ITGB3: variants seen among roughly 807,000 people sequenced by gnomAD.
ITGB3 encodes integrin subunit beta 3.
In ITGB3, 48 loss-of-function variants were observed where a neutral mutation model predicts 85.8. The observed-to-expected ratio is 0.56, with a 90% CI of 0.44 to 0.71. The LOEUF (loss-of-function observed/expected upper bound fraction) is 0.71. ITGB3 is among the 30% of genes least tolerant of loss of function. ITGB3 has a pLI of 0.00. For missense variants in ITGB3, 861 were observed against 1,019.1 expected, an observed-to-expected ratio of 0.84 and a Z score of 2.11; for synonymous variants, 363 against 395.6, an observed-to-expected ratio of 0.92 and a Z score of 0.98.
intron 1 of ITGB3, 135 bp from the exon 2 acceptor site, chr17:47,274,284 G>T: frequency 1.3e-6 from 1 of 769,694 alleles, no homozygotes. Context: ...GTAGACGTCT[G>T]TGGTATGGTT....
At chr17:47,302,347 G>A (rs1235869516) in intron 12 of ITGB3, among the ~76,000 whole-genome samples, 1 of 152,192 alleles carries the variant, frequency 6.6e-6, no homozygotes, top group African/African-American at 2.4e-5. Flanking sequence ...CACCGACCTT[G>A]TGAGGTGGGG....
intron 2 of ITGB3, among the ~76,000 whole-genome samples, chr17:47,282,895 A>G (rs1230742478): frequency 6.6e-6 from 1 of 152,168 alleles, no homozygotes; most frequent in Non-Finnish European, 1.5e-5. Flanking sequence ...ATTCTATTGT[A>G]TTTTATTTAA....
Position 47,287,311 on chromosome 17 carries a change from T to A in ITGB3, c.939+80T>A, listed in dbSNP as rs1323603511. The A allele has an allele frequency of 1.9e-6, 3 of 1,542,138 alleles. No homozygotes were observed. The African/African-American group carries it at 4.1e-5, about 21-fold the overall frequency. Reference sequence around the variant, plus strand: ...AATCTAGGCAGAGTCTGTGTGAATATGAAAATGGCAGCCCCTCCTTCTGGG... The same window carrying A: ...AATCTAGGCAGAGTCTGTGTGAATAAGAAAATGGCAGCCCCTCCTTCTGGG... On this transcript the variant is annotated intron_variant, in intron 6 of 14. Transcript: ENST00000559488.
intron 10 of ITGB3, among the ~76,000 whole-genome samples, chr17:47,293,941 C>T (rs1200141804): frequency 6.6e-6 from 1 of 152,204 alleles, no homozygotes; most frequent in Non-Finnish European, 1.5e-5. Context: ...CTAATCCATG[C>T]AGATACTCAC....
chr17:47,293,127 T>C (rs189925188), intron 10 of ITGB3, among the ~76,000 whole-genome samples: 3 of 152,336 alleles, frequency 2.0e-5, no homozygotes, highest in Non-Finnish European at 2.9e-5. Flanking sequence ...GGCTGCTATA[T>C]TGGACAGATC....
chr17:47,291,340 G>A (rs182093305), intron 9 of ITGB3: 2 of 603,640 alleles, frequency 3.3e-6, no homozygotes, highest in African/African-American at 3.7e-5. Flanking sequence ...CTTACAATTT[G>A]GTTACCTTTG....
chr17:47,267,637 CT>C (rs2065030164), intron 1 of ITGB3, among the ~76,000 whole-genome samples: 2 of 152,194 alleles, frequency 1.3e-5, no homozygotes, highest in Non-Finnish European at 1.5e-5. Flanking sequence ...AACCATGACT[CT>C]GCAGGCATGA....
rs2065212684 is a variant in ITGB3 at position 47,311,021 on chromosome 17, A to T, written c.*817A>T. 6.5e-6 allele frequency: 1 copy of T among 153,964 alleles called. No individual in the cohort carries two copies. Among genetic ancestry groups the T allele is most frequent in the Admixed American group, 6.4e-5 (1 of 15,586 alleles). The allele number at this position is 153,964 out of a possible 1,614,324, so 9.5% of individuals were successfully genotyped here. A position where few individuals can be genotyped will look rare whatever the true frequency, so the allele number is the denominator to read the frequency against. On this transcript the variant is annotated 3_prime_UTR_variant, in exon 15 of 15. Transcript: ENST00000559488. ...GAGGTTTGTTTAGAAGAAGTGTGTC[A>T]CCCTTAGGCCAGCACCATCTCTTTA...
Position 47,292,603 on chromosome 17 carries a change from CCA to C in ITGB3, c.1690+39_1690+40del, listed in dbSNP as rs754616955. The stretch of plus-strand genomic sequence containing the variant: ...ACTGCAGGGCCCCCTGTCCTGGAAC[CCA>C]CACCCCCTCATATACCTGCAACCAC... On this transcript the variant is annotated intron_variant, in intron 10 of 14. Coordinates refer to ENST00000559488, the MANE Select transcript of ITGB3 (RefSeq NM_000212.3). 2.5e-6 allele frequency: 4 copies of C among 1,596,024 alleles called. No individual in the cohort carries two copies. In the East Asian group the frequency reaches 8.9e-5, roughly 36 times the overall value.
chr17:47,282,886 T>G (rs2065088762), intron 2 of ITGB3, among the ~76,000 whole-genome samples: 1 of 152,222 alleles, frequency 6.6e-6, no homozygotes. Context: ...TTCTATTCTA[T>G]TCTATTGTAT....
At chr17:47,295,437 C>G (rs1202190392) in intron 10 of ITGB3, among the ~76,000 whole-genome samples, 1 of 152,162 alleles carries the variant, frequency 6.6e-6, no homozygotes, top group Non-Finnish European at 1.5e-5. Flanking sequence ...TCTTACTTTA[C>G]TCCTCTGACT....
chr17:47,310,302 T>G lies in ITGB3; in HGVS notation c.*98T>G. The G allele has an allele frequency of 3.2e-6, 4 of 1,232,060 alleles. No homozygotes were observed. Among genetic ancestry groups the G allele is most frequent in the Non-Finnish European group, 4.8e-6 (4 of 839,752 alleles). 76.3% of individuals were successfully genotyped at this position (1,232,060 alleles called of 1,614,324 possible). ...GAGGACAGTATTTGTGGGGAGGGAT[T>G]TGGGGCTCAGAGTGGGGTAGGTTGG... On this transcript the variant is annotated 3_prime_UTR_variant, in exon 15 of 15. Transcript: ENST00000559488.
intron 14 of ITGB3, among the ~76,000 whole-genome samples, chr17:47,309,872 G>C (rs993335970): frequency 6.7e-6 from 1 of 148,630 alleles, no homozygotes; most frequent in African/African-American, 2.5e-5. Flanking sequence ...CTCCAGCCTG[G>C]GCAACAAAAT....
At chr17:47,269,544 A>G (rs961775010) in intron 1 of ITGB3, among the ~76,000 whole-genome samples, 3 of 152,170 alleles carry the variant, frequency 2.0e-5, no homozygotes, top group African/African-American at 7.2e-5. Context: ...GTTCCCAATA[A>G]GTTCCTCATC....
At chr17:47,304,704 T>G (rs2065180821) in intron 13 of ITGB3, among the ~76,000 whole-genome samples, 1 of 152,014 alleles carries the variant, frequency 6.6e-6, no homozygotes, top group Non-Finnish European at 1.5e-5. Flanking sequence ...GCCTCCCAGG[T>G]TCAAGCAATT....
chr17:47,300,638 C>T, intron 12 of ITGB3, 60 bp downstream of exon 12: 1 of 1,272,054 alleles, frequency 7.9e-7, no homozygotes, highest in Non-Finnish European at 1.1e-6. Flanking sequence ...CTAATTCAAT[C>T]CCAGAACCTA....
intron 10 of ITGB3, among the ~76,000 whole-genome samples, chr17:47,294,406 G>A (rs1156332929): frequency 6.6e-6 from 1 of 152,200 alleles, no homozygotes; most frequent in African/African-American, 2.4e-5. Context: ...CTGGTGTGAG[G>A]CACTGCGGCA....
At chr17:47,274,723 T>C (rs1021633734) in intron 2 of ITGB3, among the ~76,000 whole-genome samples, 1 of 152,262 alleles carries the variant, frequency 6.6e-6, no homozygotes, top group African/African-American at 2.4e-5. Context: ...CCCTGGCCCT[T>C]GCCAGTTTGG....
chr17:47,307,450 C>T, intron 13 of ITGB3, 21 bp from the exon 14 acceptor site: 1 of 1,613,550 alleles, frequency 6.2e-7, no homozygotes, highest in Non-Finnish European at 8.5e-7. Context: ...AACCGCCCTG[C>T]TCTGTGCTTC....
Sources: allele counts gnomAD v4.1 joint callset (sites outside exome capture counted in the v4.1 genomes callset), GRCh38; gene constraint gnomAD v4.1.1; transcripts MANE v1.5; gene names NCBI Gene and HGNC (gene_info 2026-07-23, HGNC 2026-07-21).